Variants in CRMP1 observed in about 807,000 individuals in gnomAD.
CRMP1 encodes dihydropyrimidinase-related protein 1.
CRMP1 carries 19 observed loss-of-function variants against 68.3 expected under a neutral mutation model. The observed-to-expected ratio is 0.28, with a 90% CI of 0.19 to 0.41. The LOEUF is 0.41. CRMP1 is among the 10% of genes least tolerant of loss of function. The pLI is 1.00. For synonymous variants in CRMP1, 439 were observed against 399.6 expected (o/e 1.10, Z -1.18); for missense variants, 791 against 967.4 (o/e 0.82, Z 2.42).
rs755195771 is a variant in CRMP1 at position 5,870,390 on chromosome 4, C to T, written c.382-3634G>A. Among the ~76,000 whole-genome samples the T allele has an allele frequency of 6.6e-6, 1 of 152,258 alleles. No individual in the cohort carries two copies. The highest frequency in any genetic ancestry group is 1.5e-5 in the Non-Finnish European group (1 of 68,050). On this transcript the variant is annotated intron_variant, in intron 1 of 13. Transcript: ENST00000324989. The surrounding 1 kb of genome is among the most constrained non-coding windows in gnomAD (Gnocchi z 6.0). ...ATCACAGCTTTGGTGTGTTACCCCA[C>T]TGGCAGTGCAGGACACAACTCCCCA... is the stretch of plus-strand genomic sequence containing the variant.
chr4:5,866,624 C>A lies in CRMP1; in HGVS notation c.470+44G>T. 1 of 1,472,794 alleles carries A rather than the reference C, an allele frequency of 6.8e-7. No individual in the cohort carries two copies. The highest frequency in any genetic ancestry group is 9.5e-7 in the Non-Finnish European group (1 of 1,057,138). The allele number at this position is 1,472,794 out of a possible 1,614,324, so 91.2% of individuals were successfully genotyped here. The stretch of plus-strand genomic sequence containing the variant: ...TCTGTTCCATCTAAGGCCAGGCAGC[C>A]TGGCGACACAGGTTTCTTAAAAGGT... On this transcript the variant is annotated intron_variant, in intron 2 of 13. Transcript: ENST00000324989. This position sits in a 1 kb window ranked among gnomAD's most constrained non-coding sequence, Gnocchi z 5.9.
At chr4:5,885,194 C>T (rs369996892) in intron 1 of CRMP1, among the ~76,000 whole-genome samples, 1 of 152,256 alleles carries the variant, frequency 6.6e-6, no homozygotes, top group East Asian at 1.9e-4. Context: ...TGCCTTTGCC[C>T]ATGCTGCGCC....
chr4:5,889,603 C>T lies in CRMP1; in HGVS notation c.381+2986G>A. 2 of 1,536,156 alleles carry T rather than the reference C, an allele frequency of 1.3e-6. No individual in the cohort carries two copies. The highest frequency in any genetic ancestry group is 1.7e-6 in the Non-Finnish European group (2 of 1,146,908). ...CTCACTGGACAGGTGCCCCAAGTTC[C>T]CAGGCAGAATAAAACACCAACCTTG... is the stretch of plus-strand genomic sequence containing the variant. On this transcript the variant is annotated intron_variant, in intron 1 of 13. Coordinates refer to ENST00000324989, the MANE Select transcript of CRMP1 (RefSeq NM_001014809.3). The surrounding 1 kb of genome is among the most constrained non-coding windows in gnomAD (Gnocchi z 4.5).
chr4:5,883,831 G>A lies in CRMP1; in HGVS notation c.381+8758C>T, dbSNP rs899085265. On this transcript the variant is annotated intron_variant, in intron 1 of 13. Transcript: ENST00000324989. This position sits in a 1 kb window ranked among gnomAD's most constrained non-coding sequence, Gnocchi z 4.5. ...GTATGTTGTATTGTGTGTGCTCCAT[G>A]TATTCAGTCTTGGCCATGTTTATTA... Among the ~76,000 whole-genome samples, 1 of 152,218 alleles carries A rather than the reference G, an allele frequency of 6.6e-6. No homozygotes were observed. The highest frequency in any genetic ancestry group is 2.4e-5 in the African/African-American group (1 of 41,456).
rs1464963726 is a variant in CRMP1, at chr4:5,861,353, G to A, written c.471-143C>T. ...TGGGGAGACAGAGATAACTCAGGCAGGGCACATGCCCTCAAGGGGCTCATA... is the reference window on the plus strand; with the variant it reads ...TGGGGAGACAGAGATAACTCAGGCAAGGCACATGCCCTCAAGGGGCTCATA... On this transcript the variant is annotated intron_variant, in intron 2 of 13. Transcript: ENST00000324989. The surrounding 1 kb of genome is among the most constrained non-coding windows in gnomAD (Gnocchi z 6.0). The A allele has an allele frequency of 5.0e-6, 4 of 794,544 alleles. No individual in the cohort carries two copies. The Admixed American group carries it at 7.9e-5, about 16-fold the overall frequency. The allele number at this position is 794,544 out of a possible 1,614,324, so 49.2% of individuals were successfully genotyped here.
Position 5,842,326 on chromosome 4 carries a change from G to A in CRMP1, c.1032+767C>T, listed in dbSNP as rs1240998310. 2.0e-5 allele frequency among the ~76,000 whole-genome samples: 3 copies of A among 151,782 alleles called. No homozygotes were observed. The highest frequency in any genetic ancestry group is 6.6e-5 in the Admixed American group (1 of 15,230). ...GCCTAGTGCTCCTAGCTACTTGGGA[G>A]GCTGAGGCAGGAGAGTCACTTGAAC... On this transcript the variant is annotated intron_variant, in intron 7 of 13. Coordinates refer to ENST00000324989, the MANE Select transcript of CRMP1 (RefSeq NM_001014809.3). This position sits in a 1 kb window ranked among gnomAD's most constrained non-coding sequence, Gnocchi z 4.5.
intron 12 of CRMP1, among the ~76,000 whole-genome samples, chr4:5,827,353 T>G (rs1228191231): frequency 1.3e-5 from 2 of 152,198 alleles, no homozygotes. Context: ...CTGACTTGTT[T>G]CCACCCCATC....
rs181325714 is a variant in CRMP1, at chr4:5,865,881, G to A, written c.470+787C>T. 3.9e-5 allele frequency among the ~76,000 whole-genome samples: 6 copies of A among 152,268 alleles called. No homozygotes were observed. The highest frequency in any genetic ancestry group is 2.0e-4 in the Admixed American group (3 of 15,294). ...CACACACACAGAAAGGGCCCTGTGA[G>A]GACAGCCAGAAGGTGGTGTCTGCAA... On this transcript the variant is annotated intron_variant, in intron 2 of 13. Transcript: ENST00000324989. This position sits in a 1 kb window ranked among gnomAD's most constrained non-coding sequence, Gnocchi z 4.1.
At chr4:5,832,942 A>G (rs1720477673) in intron 11 of CRMP1, among the ~76,000 whole-genome samples, 1 of 152,152 alleles carries the variant, frequency 6.6e-6, no homozygotes, top group Non-Finnish European at 1.5e-5. Flanking sequence ...TAGGCGCAAA[A>G]TCCAATGACT....
rs33952240 is a variant in CRMP1, at chr4:5,884,984, T to TAA, written c.381+7603_381+7604dup. Among the ~76,000 whole-genome samples, 510 of 140,790 alleles carry TAA rather than the reference T, an allele frequency of 3.6e-3. 5 individuals are homozygous for TAA. The South Asian group carries it at 0.037, about 10-fold the overall frequency. 92.4% of individuals were successfully genotyped at this position (140,790 alleles called of 152,430 possible). On this transcript the variant is annotated intron_variant, in intron 1 of 13. Coordinates refer to ENST00000324989, the MANE Select transcript of CRMP1 (RefSeq NM_001014809.3). ...GTTAATCCCCAAGTGTGCCATTCATTAAAAAAAAAAAAAAAGACACGCATG... is the reference window on the plus strand; with the variant it reads ...GTTAATCCCCAAGTGTGCCATTCATTAAAAAAAAAAAAAAAAAGACACGCATG...
Position 5,844,091 on chromosome 4 carries a change from T to C in CRMP1, c.964-930A>G, listed in dbSNP as rs145203587. 1.6e-4 allele frequency among the ~76,000 whole-genome samples: 25 copies of C among 152,222 alleles called. No homozygotes were observed. In the East Asian group the frequency reaches 3.7e-3, roughly 22 times the overall value. ...CATGAACCCTGGGCCTCATCACCCATGAAAAGAAATCACAATCTCAACTGC... is the reference window on the plus strand; with the variant it reads ...CATGAACCCTGGGCCTCATCACCCACGAAAAGAAATCACAATCTCAACTGC... On this transcript the variant is annotated intron_variant, in intron 6 of 13. Transcript: ENST00000324989.
intron 1 of CRMP1, among the ~76,000 whole-genome samples, chr4:5,868,290 T>TATATCTATCTATATATAG (rs1714173225): frequency 1.5e-5 from 2 of 131,396 alleles, no homozygotes; most frequent in African/African-American, 6.5e-5. Context: ...TATATATATA[T>TATATCTATCTATATATAG]ATATATATAT....
At position 5,889,683 on chromosome 4, in the gene CRMP1, T is replaced by G; in HGVS notation, c.381+2906A>C. ...GCGAAATCCAACCCCACAGGTCCTA[T>G]GAAACTACTCATCTTTTCTGCTTTC... On this transcript the variant is annotated intron_variant, in intron 1 of 13. Coordinates refer to ENST00000324989, the MANE Select transcript of CRMP1 (RefSeq NM_001014809.3). The surrounding 1 kb of genome is among the most constrained non-coding windows in gnomAD (Gnocchi z 4.5). The G allele has an allele frequency of 6.5e-7, 1 of 1,536,136 alleles. No individual in the cohort carries two copies.
intron 11 of CRMP1, among the ~76,000 whole-genome samples, chr4:5,831,996 T>C (rs566072895): frequency 1.2e-4 from 18 of 152,222 alleles, no homozygotes; most frequent in African/African-American, 4.1e-4. Context: ...TATTCAGCCA[T>C]CAAAGGAACA....
In CRMP1 at chr4:5,856,264, A is replaced by C. The variant is rs147878367; in HGVS notation, c.699T>G (p.Ser233=). ...CAGCTGCTTCGTGCCACTTCTCGAA[A>C]GAGGTCAGTAGGCTGGACCCAGGTT... ...VPEPGSSLLT[S]FEKWHEAADT... Residue 233 remains serine (S), a synonymous_variant, in exon 4 of 14, where the codon TCT becomes TCG. Transcript: ENST00000324989. 1.6e-4 allele frequency: 252 copies of C among 1,613,846 alleles called. No homozygotes were observed. In the African/African-American group the frequency reaches 3.1e-3, roughly 20 times the overall value.
intron 11 of CRMP1, among the ~76,000 whole-genome samples, chr4:5,830,399 G>T (rs888994794): frequency 2.6e-5 from 4 of 152,100 alleles, no homozygotes; most frequent in Admixed American, 1.3e-4. Flanking sequence ...TCTAAGTTTT[G>T]TGTCTTGCTT....
chr4:5,886,190 T>C (rs1396759008), intron 1 of CRMP1, among the ~76,000 whole-genome samples: 1 of 152,224 alleles, frequency 6.6e-6, no homozygotes, highest in African/African-American at 2.4e-5. Context: ...GAACTAAGCA[T>C]AACTTACAGC....
chr4:5,841,372 A>G lies in CRMP1; in HGVS notation c.1089T>C (p.Pro363=). The G allele has an allele frequency of 6.2e-7, 1 of 1,614,134 alleles. No homozygotes were observed. The part of the protein sequence containing the change: ...AITIAGRINC[P]VYITKVMSKS... ...TGCTCATGACCTTGGTGATGTACACAGGGCAGTTGATCCGGCCCGCAATGG... is the reference window on the plus strand; with the variant it reads ...TGCTCATGACCTTGGTGATGTACACGGGGCAGTTGATCCGGCCCGCAATGG... The change falls in exon 8 of 14, where the codon CCT becomes CCC. Residue 363 remains proline, a synonymous_variant. Coordinates refer to ENST00000324989, the MANE Select transcript of CRMP1 (RefSeq NM_001014809.3). The surrounding 1 kb of genome is among the most constrained non-coding windows in gnomAD (Gnocchi z 6.9).
At chr4:5,882,310 A>G (rs566932618) in intron 1 of CRMP1, among the ~76,000 whole-genome samples, 18 of 152,346 alleles carry the variant, frequency 1.2e-4, no homozygotes, top group Non-Finnish European at 2.2e-4. Context: ...CCTGGGTCTC[A>G]AAGTGAGGAG....
Sources: gnomAD v4.1 joint callset for allele counts (sites outside exome capture counted in the v4.1 genomes callset) on GRCh38, gnomAD v4.1.1 for gene constraint, Gnocchi (gnomAD v3.1) non-coding constraint, MANE v1.5 for transcripts, NCBI Gene and HGNC (gene_info 2026-07-23, HGNC 2026-07-21) for gene names.